GPR137C: variants seen among roughly 807,000 people sequenced by gnomAD.
GPR137C encodes the protein integral membrane protein GPR137C.
GPR137C carries 27 observed loss-of-function variants against 43.4 expected under a neutral mutation model. That is an observed-to-expected ratio of 0.62 (90% CI 0.46 to 0.86). The LOEUF (loss-of-function observed/expected upper bound fraction) is 0.86, where lower values mean the gene tolerates loss of function less well. GPR137C is among the 40% of genes least tolerant of loss of function. The pLI, the probability that GPR137C is intolerant of heterozygous loss-of-function variation, is 0.00. For missense variants in GPR137C, 522 were observed against 534.6 expected, an observed-to-expected ratio of 0.98 and a Z score of 0.23; for synonymous variants, 285 against 226.9, an observed-to-expected ratio of 1.26 and a Z score of -2.30.
At chr14:52,614,570 C>T (rs2039077554) in intron 3 of GPR137C, among the ~76,000 whole-genome samples, 1 of 152,166 alleles carries the variant, frequency 6.6e-6, no homozygotes, top group African/African-American at 2.4e-5. Flanking sequence ...TCACTGCAGC[C>T]TCAACCTCCT....
At chr14:52,576,988 G>A (rs1223436041) in intron 1 of GPR137C, among the ~76,000 whole-genome samples, 2 of 151,888 alleles carry the variant, frequency 1.3e-5, no homozygotes, top group Non-Finnish European at 2.9e-5. Context: ...TCAGGAGTTC[G>A]AGACCAGCCT....
chr14:52,573,178 C>T (rs1443464264), intron 1 of GPR137C, among the ~76,000 whole-genome samples: 1 of 152,286 alleles, frequency 6.6e-6, no homozygotes, highest in African/African-American at 2.4e-5. Context: ...GTGCTATCCC[C>T]ATCAAGCTAC....
intron 3 of GPR137C, among the ~76,000 whole-genome samples, chr14:52,606,320 G>A (rs1311833194): frequency 1.3e-5 from 2 of 151,984 alleles, no homozygotes; most frequent in East Asian, 3.9e-4. Context: ...CTAATTTGTT[G>A]GCATGTAGTT....
chr14:52,561,257 A>G (rs1430007761), intron 1 of GPR137C, among the ~76,000 whole-genome samples: 3 of 152,234 alleles, frequency 2.0e-5, no homozygotes, highest in South Asian at 4.1e-4. Flanking sequence ...GTGAAGTTTT[A>G]CAACCACTTT....
chr14:52,601,496 G>GTATA (rs1316781228), intron 3 of GPR137C, among the ~76,000 whole-genome samples: 3 of 146,946 alleles, frequency 2.0e-5, no homozygotes, highest in African/African-American at 7.6e-5. Context: ...GTGTGTGTGT[G>GTATA]TGTATATATA....
intron 1 of GPR137C, among the ~76,000 whole-genome samples, chr14:52,562,648 A>G (rs1354667097): frequency 6.6e-6 from 1 of 152,222 alleles, no homozygotes; most frequent in Non-Finnish European, 1.5e-5. Context: ...AATGTTTAAA[A>G]CAGTTATGAA....
chr14:52,598,436 G>A (rs2038883484), intron 2 of GPR137C, 121 bp downstream of exon 2: 2 of 441,074 alleles, frequency 4.5e-6, no homozygotes, highest in South Asian at 6.9e-5. Context: ...GTGGTAGAAG[G>A]GAGTGGTTGT....
chr14:52,590,982 GC>G (rs1305621145), intron 1 of GPR137C, among the ~76,000 whole-genome samples: 2 of 52,870 alleles, frequency 3.8e-5, no homozygotes, highest in Non-Finnish European at 8.3e-5. Flanking sequence ...CCCTCCCCCA[GC>G]CCCCCACCCC....
intron 1 of GPR137C, among the ~76,000 whole-genome samples, chr14:52,568,169 T>G (rs1381045310): frequency 6.6e-6 from 1 of 151,950 alleles, no homozygotes; most frequent in Non-Finnish European, 1.5e-5. Context: ...AGAAGCAGGG[T>G]GGGGCGTCAC....
Position 52,553,345 on chromosome 14 carries a change from GC to G in GPR137C, c.199del (p.Gln67SerfsTer13). On this transcript the variant is annotated frameshift_variant, in exon 1 of 7. Coordinates refer to ENST00000321662, the MANE Select transcript of GPR137C (RefSeq NM_001099652.2). LOFTEE classifies it high-confidence loss of function. ...YAALFAFAYL[Q>X]LWRLLLYRER... Reference sequence around the variant, plus strand: ...CCGCGCTGTTCGCCTTTGCCTACCTGCAGCTGTGGCGGCTGCTCCTGTACCG... The same window carrying G: ...CCGCGCTGTTCGCCTTTGCCTACCTGAGCTGTGGCGGCTGCTCCTGTACCG... The G allele has an allele frequency of 6.2e-7, 1 of 1,602,850 alleles. No homozygotes were observed.
chr14:52,559,113 C>T (rs1197083877), intron 1 of GPR137C, among the ~76,000 whole-genome samples: 4 of 152,190 alleles, frequency 2.6e-5, no homozygotes, highest in African/African-American at 9.7e-5. Context: ...TGCAGTGGCT[C>T]ACGCCTCTAA....
intron 6 of GPR137C, among the ~76,000 whole-genome samples, chr14:52,634,464 G>C (rs915152268): frequency 6.6e-6 from 1 of 152,056 alleles, no homozygotes; most frequent in African/African-American, 2.4e-5. Flanking sequence ...AATGGCTTCA[G>C]CTTGATATGA....
intron 1 of GPR137C, among the ~76,000 whole-genome samples, chr14:52,576,735 C>T (rs1260780049): frequency 6.6e-6 from 1 of 152,190 alleles, no homozygotes; most frequent in East Asian, 1.9e-4. Context: ...CCACAGAATA[C>T]ACATTCTTCC....
chr14:52,626,432 C>CT (rs1247499235), intron 3 of GPR137C, among the ~76,000 whole-genome samples: 1 of 150,992 alleles, frequency 6.6e-6, no homozygotes, highest in African/African-American at 2.4e-5. Flanking sequence ...AGGCATTTGA[C>CT]TAAATTTGGT....
intron 1 of GPR137C, among the ~76,000 whole-genome samples, chr14:52,555,948 A>G (rs1175045484): frequency 6.6e-6 from 1 of 152,190 alleles, no homozygotes; most frequent in African/African-American, 2.4e-5. Context: ...ATTTTAGTTC[A>G]AATTTTTATG....
At chr14:52,553,681 T>A in intron 1 of GPR137C, 90 bp downstream of exon 1, 3 of 371,336 alleles carry the variant, frequency 8.1e-6, no homozygotes, top group Non-Finnish European at 1.5e-5. Context: ...GGGCGGGGGG[T>A]GGGCAGCGAG....
intron 3 of GPR137C, among the ~76,000 whole-genome samples, chr14:52,601,478 ATGTG>A (rs149787520): frequency 0.065 from 9,607 of 148,332 alleles, 334 homozygotes; most frequent in Admixed American, 0.11. Flanking sequence ...GGGAGATATT[ATGTG>A]TGTGTGTGTG....
intron 3 of GPR137C, among the ~76,000 whole-genome samples, chr14:52,602,618 T>C (rs1381176815): frequency 6.6e-6 from 1 of 152,180 alleles, no homozygotes; most frequent in Non-Finnish European, 1.5e-5. Context: ...TCTATCTGAT[T>C]GTTCATGTCT....
At position 52,568,131 on chromosome 14, in the gene GPR137C, CAGTG is replaced by C. The variant is rs557856736; in HGVS notation, c.444+14541_444+14544del. ...GCTCATCTCATTGGGACTGGTTAGA[CAGTG>C]GGTGCAGCCCATGGAGGGTGAGCAG... is the stretch of plus-strand genomic sequence containing the variant. On this transcript the variant is annotated intron_variant, in intron 1 of 6. Transcript: ENST00000321662. Among the ~76,000 whole-genome samples, 11 of 152,228 alleles carry C rather than the reference CAGTG, an allele frequency of 7.2e-5. No individual in the cohort carries two copies. In the East Asian group the frequency reaches 1.2e-3, roughly 16 times the overall value.
Sources: allele counts gnomAD v4.1 joint callset (sites outside exome capture counted in the v4.1 genomes callset), GRCh38; gene constraint gnomAD v4.1.1; transcripts MANE v1.5; gene names NCBI Gene and HGNC (gene_info 2026-07-23, HGNC 2026-07-21).